Variants in FKBP2 observed in about 807,000 individuals in gnomAD.
FKBP2 encodes the protein FKBP prolyl isomerase 2.
A neutral mutation model predicts 19.4 loss-of-function variants in FKBP2; 15 were observed. The observed-to-expected ratio is 0.77, with a 90% CI of 0.52 to 1.19. The LOEUF is 1.19. FKBP2 is among the 50% of genes most tolerant of loss of function. The pLI, the probability that FKBP2 is intolerant of heterozygous loss-of-function variation, is 0.00. For missense variants in FKBP2, 170 were observed against 179.0 expected (o/e 0.95, Z 0.29); for synonymous variants, 76 against 74.8 (o/e 1.02, Z -0.08).
chr11:64,242,124 A>G (rs2030545304), intron 1 of FKBP2: 1 of 427,350 alleles, frequency 2.3e-6, no homozygotes, highest in Admixed American at 4.4e-5. Context: ...GGGGGTGAGC[A>G]AAGGGGCGGG....
chr11:64,241,214 G>A (rs1038535287), intron 1 of FKBP2, 82 bp downstream of exon 1: 2 of 152,570 alleles, frequency 1.3e-5, no homozygotes, highest in South Asian at 2.0e-4. Context: ...AAGCGGACCG[G>A]GCTCCGAGTG....
At chr11:64,243,029 G>A (rs372680948) in intron 2 of FKBP2, among the ~76,000 whole-genome samples, 170 bp from the exon 3 acceptor site, 2 of 152,088 alleles carry the variant, frequency 1.3e-5, no homozygotes, top group Admixed American at 6.5e-5. Context: ...GCGAGATCAC[G>A]CCGCTGCACT....
chr11:64,243,430 T>C, intron 3 of FKBP2, 21 bp from the exon 4 acceptor site: 1 of 1,613,954 alleles, frequency 6.2e-7, no homozygotes, highest in Admixed American at 1.7e-5. Context: ...TGCCATGGGC[T>C]GAGCATGTGT....
At position 64,243,320 on chromosome 11, in the gene FKBP2, T is replaced by C. The variant is rs749917078; in HGVS notation, c.284+9T>C. 26 of 1,599,456 alleles carry C rather than the reference T, an allele frequency of 1.6e-5. No individual in the cohort carries two copies. Among genetic ancestry groups the C allele is most frequent in the Non-Finnish European group, 2.1e-5 (25 of 1,171,656 alleles). ...GACCAGGGGCTGCTGGGGTGAGTCA[T>C]GGGGGAATGGGCTTGGGAGTGGGGG... is the stretch of plus-strand genomic sequence containing the variant. On this transcript the variant is annotated intron_variant, in intron 3 of 5. Transcript: ENST00000309366.
rs753707363 is a variant in FKBP2, at chr11:64,243,478, G to A, written c.312G>A (p.Leu104=). 1 of 1,613,972 alleles carries A rather than the reference G, an allele frequency of 6.2e-7. No individual in the cohort carries two copies. The highest frequency in any genetic ancestry group is 8.5e-7 in the Non-Finnish European group (1 of 1,180,024). ...LGMCEGEKRK[L]VIPSELGYGE... is the part of the protein sequence containing the mutation. ...TGTGTGAGGGGGAAAAGCGCAAGCTGGTGATCCCATCCGAGCTAGGTAAGA... is the reference window on the plus strand; with the variant it reads ...TGTGTGAGGGGGAAAAGCGCAAGCTAGTGATCCCATCCGAGCTAGGTAAGA... Residue 104 remains leucine, a synonymous_variant, in exon 4 of 6, where the codon CTG becomes CTA. Coordinates refer to ENST00000309366, the MANE Select transcript of FKBP2 (RefSeq NM_004470.4).
Position 64,243,830 on chromosome 11 carries a change from A to G in FKBP2, c.332-11A>G. 1.2e-6 allele frequency: 2 copies of G among 1,614,042 alleles called. No individual in the cohort carries two copies. The highest frequency in any genetic ancestry group is 1.7e-6 in the Non-Finnish European group (2 of 1,179,894). On this transcript the variant is annotated splice_polypyrimidine_tract_variant and intron_variant, in intron 4 of 5. Transcript: ENST00000309366. ...GCCATCACTGACTGTTTCTTTGTGC[A>G]TCTTCAACAGGGTATGGAGAGCGGG...
chr11:64,243,190 G>A lies in FKBP2; in HGVS notation c.172-9G>A. On this transcript the variant is annotated splice_polypyrimidine_tract_variant and intron_variant, in intron 2 of 5. Transcript: ENST00000309366. ...CCTCTTCCTCACTGGCCTTCTCATG[G>A]TTCCACAGGGGAAGCTGGAAGATGG... 1 of 1,613,260 alleles carries A rather than the reference G, an allele frequency of 6.2e-7. No individual in the cohort carries two copies. Among genetic ancestry groups the A allele is most frequent in the Non-Finnish European group, 8.5e-7 (1 of 1,179,742 alleles).
In FKBP2 at chr11:64,242,399, C is replaced by T. The variant is rs2030570589; in HGVS notation, c.12C>T (p.Ser4=). ...GTGCCCACAGAGACATGAGGCTGAG[C>T]TGGTTCCGGGTCCTGACAGTACTGT... is the stretch of plus-strand genomic sequence containing the variant. The part of the protein sequence containing the change: MRL[S]WFRVLTVLSI... Residue 4 remains serine (S), a synonymous_variant, in exon 2 of 6, where the codon AGC becomes AGT. Coordinates refer to ENST00000309366, the MANE Select transcript of FKBP2 (RefSeq NM_004470.4). The T allele has an allele frequency of 6.5e-7, 1 of 1,540,018 alleles. No homozygotes were observed. The highest frequency in any genetic ancestry group is 2.5e-5 in the East Asian group (1 of 39,566).
At chr11:64,243,528 A>G in intron 4 of FKBP2, 31 bp downstream of exon 4, 1 of 1,612,306 alleles carries the variant, frequency 6.2e-7, no homozygotes, top group South Asian at 1.1e-5. Context: ...GTGCAGAGCG[A>G]GTTTGGGGTG....
In FKBP2 at chr11:64,244,083, A is replaced by G; in HGVS notation, c.*54A>G. On this transcript the variant is annotated 3_prime_UTR_variant, in exon 6 of 6. Transcript: ENST00000309366. The stretch of plus-strand genomic sequence containing the variant: ...CCCCCATCAGGGACCAGACTGTTCC[A>G]AAAAAAAAACAAAAAACAAAAACAA... 7.2e-7 allele frequency: 1 copy of G among 1,388,628 alleles called. No homozygotes were observed. The allele number at this position is 1,388,628 out of a possible 1,614,324, so 86.0% of individuals were successfully genotyped here. A position where few individuals can be genotyped will look rare whatever the true frequency, so the allele number is the denominator to read the frequency against.
chr11:64,241,408 G>A (rs1379524039), intron 1 of FKBP2, among the ~76,000 whole-genome samples: 2 of 152,032 alleles, frequency 1.3e-5, no homozygotes, highest in Non-Finnish European at 2.9e-5. Flanking sequence ...GGCGGGGGGC[G>A]GAGCTAGGAG....
intron 1 of FKBP2, among the ~76,000 whole-genome samples, chr11:64,241,426 G>A (rs1286142081): frequency 6.6e-6 from 1 of 151,976 alleles, no homozygotes; most frequent in Non-Finnish European, 1.5e-5. Context: ...GAGGGTCGGG[G>A]GACGGAGCCT....
At chr11:64,243,664 G>T in intron 4 of FKBP2, 167 bp downstream of exon 4, 1 of 1,150,170 alleles carries the variant, frequency 8.7e-7, no homozygotes, top group Admixed American at 1.9e-5. Context: ...GATCATTGAA[G>T]CACTCAGCTG....
intron 1 of FKBP2, 139 bp from the exon 2 acceptor site, chr11:64,242,245 G>A (rs2030555678): frequency 1.2e-6 from 1 of 816,722 alleles, no homozygotes; most frequent in Non-Finnish European, 1.8e-6. Flanking sequence ...GGGGGAGAGG[G>A]CGGTGACCCG....
rs371835106 is a variant in FKBP2, at chr11:64,243,833, T to C, written c.332-8T>C. ...ATCACTGACTGTTTCTTTGTGCATC[T>C]TCAACAGGGTATGGAGAGCGGGGAG... On this transcript the variant is annotated splice_region_variant and splice_polypyrimidine_tract_variant and intron_variant, in intron 4 of 5. Transcript: ENST00000309366. The C allele has an allele frequency of 5.0e-6, 8 of 1,613,946 alleles. No individual in the cohort carries two copies. The highest frequency in any genetic ancestry group is 1.3e-5 in the African/African-American group (1 of 74,922).
intron 1 of FKBP2, chr11:64,242,115 G>C (rs2030544111): frequency 9.6e-6 from 4 of 415,876 alleles, no homozygotes; most frequent in Non-Finnish European, 1.7e-5. Context: ...GGAAGGTATG[G>C]GGGTGAGCAA....
Position 64,243,826 on chromosome 11 carries a change from G to A in FKBP2, c.332-15G>A, listed in dbSNP as rs2030721937. 1 of 1,613,812 alleles carries A rather than the reference G, an allele frequency of 6.2e-7. No homozygotes were observed. On this transcript the variant is annotated splice_polypyrimidine_tract_variant and intron_variant, in intron 4 of 5. Transcript: ENST00000309366. ...CTTGGCCATCACTGACTGTTTCTTTGTGCATCTTCAACAGGGTATGGAGAG... is the reference window on the plus strand; with the variant it reads ...CTTGGCCATCACTGACTGTTTCTTTATGCATCTTCAACAGGGTATGGAGAG...
At chr11:64,243,376 G>A (rs369873913) in intron 3 of FKBP2, 65 bp downstream of exon 3, 11 of 1,606,936 alleles carry the variant, frequency 6.8e-6, no homozygotes, top group Non-Finnish European at 9.4e-6. Flanking sequence ...GAGGTAAGCT[G>A]TGGGAGGCAA....
rs886541310 is a variant in FKBP2 at position 64,243,628 on chromosome 11, TG to T, written c.331+132del. Reference sequence around the variant, plus strand: ...AATACATGCCTCCTCCAAGTTTGGCTGTGTCTAGCAGTGAGTACAGGGCAAG... The same window carrying T: ...AATACATGCCTCCTCCAAGTTTGGCTTGTCTAGCAGTGAGTACAGGGCAAG... On this transcript the variant is annotated intron_variant, in intron 4 of 5. Transcript: ENST00000309366. 5 of 1,305,084 alleles carry T rather than the reference TG, an allele frequency of 3.8e-6. No homozygotes were observed. The Admixed American group carries it at 9.1e-5, about 24-fold the overall frequency. The allele number at this position is 1,305,084 out of a possible 1,614,324, so 80.8% of individuals were successfully genotyped here.
Sources: allele counts gnomAD v4.1 joint callset (sites outside exome capture counted in the v4.1 genomes callset), GRCh38; gene constraint gnomAD v4.1.1; transcripts MANE v1.5; gene names NCBI Gene and HGNC (gene_info 2026-07-23, HGNC 2026-07-21).